RRM2B: variants seen among roughly 807,000 people sequenced by gnomAD.
RRM2B encodes ribonucleotide reductase regulatory TP53 inducible subunit M2B.
A neutral mutation model predicts 45.9 loss-of-function variants in RRM2B; 20 were observed. The observed-to-expected ratio is 0.44, with a 90% CI of 0.31 to 0.63. RRM2B has a LOEUF of 0.63. Ranked by LOEUF, RRM2B falls within the 30% of genes least tolerant of loss-of-function variation. RRM2B has a pLI of 0.09. For missense variants in RRM2B, 320 were observed against 414.7 expected, an observed-to-expected ratio of 0.77 and a Z score of 1.98; for synonymous variants, 124 against 132.3, an observed-to-expected ratio of 0.94 and a Z score of 0.43.
At chr8:102,212,991 TC>T in intron 7 of RRM2B, 102 bp from the exon 8 acceptor site, 2 of 720,536 alleles carry the variant, frequency 2.8e-6, no homozygotes, top group Non-Finnish European at 5.1e-6. Flanking sequence ...ACTGATTTTG[TC>T]CAAGGAAAGT....
Position 102,226,026 on chromosome 8 carries a change from T to C in RRM2B, c.213A>G (p.Leu71=), listed in dbSNP as rs752170856. Residue 71 remains leucine (L), a synonymous_variant, in exon 3 of 9, where the codon TTA becomes TTG. Coordinates refer to ENST00000251810, the MANE Select transcript of RRM2B (RefSeq NM_015713.5). ...TGTTCCAGTGAGGGAGATCCTTTGA[T>C]AAGTCGACCTGGAATAAAAAGATTT... ...ASFWTAEEVD[L]SKDLPHWNKL... The C allele has an allele frequency of 1.7e-5, 27 of 1,595,938 alleles. No homozygotes were observed. The highest frequency in any genetic ancestry group is 2.1e-5 in the Non-Finnish European group (25 of 1,163,744).
At chr8:102,223,967 T>C (rs537405583) in intron 5 of RRM2B, 79 bp downstream of exon 5, 2 of 985,252 alleles carry the variant, frequency 2.0e-6, no homozygotes, top group African/African-American at 1.6e-5. Context: ...CTTTGATTCG[T>C]ACTGGATAGT....
At position 102,234,718 on chromosome 8, in the gene RRM2B, C is replaced by T. The variant is rs28701663; in HGVS notation, c.49-2414G>A. Reference sequence around the variant, plus strand: ...TACAAAAATTAGCTGGGTGTGGTGGCGCGTACCTGTAGTCCCAGCTACTCG... The same window carrying T: ...TACAAAAATTAGCTGGGTGTGGTGGTGCGTACCTGTAGTCCCAGCTACTCG... On this transcript the variant is annotated intron_variant, in intron 1 of 8. Transcript: ENST00000251810. The T allele has an allele frequency of 4.8e-3, 738 of 153,080 alleles. 5 individuals carry two copies. The highest frequency in any genetic ancestry group is 0.019 in the Middle Eastern group (6 of 318). The allele number at this position is 153,080 out of a possible 1,614,324, so 9.5% of individuals were successfully genotyped here.
intron 2 of RRM2B, among the ~76,000 whole-genome samples, chr8:102,229,977 A>C (rs1386987801): frequency 6.6e-6 from 1 of 152,194 alleles, no homozygotes. Context: ...TCAGTTTCAA[A>C]GGTCTTCTAA....
At chr8:102,216,347 A>C (rs1484054868) in intron 6 of RRM2B, among the ~76,000 whole-genome samples, 3 of 152,142 alleles carry the variant, frequency 2.0e-5, no homozygotes, top group Non-Finnish European at 4.4e-5. Flanking sequence ...ACCAAGAAAA[A>C]AAATGTGTAA....
chr8:102,218,927 C>G lies in RRM2B; in HGVS notation c.571G>C (p.Ala191Pro), dbSNP rs1810779847. 1 of 1,613,592 alleles carries G rather than the reference C, an allele frequency of 6.2e-7. No homozygotes were observed. Among genetic ancestry groups the G allele is most frequent in the Non-Finnish European group, 8.5e-7 (1 of 1,179,628 alleles). Residue 191 changes from alanine (A) to proline (P), a missense_variant, in exon 6 of 9, where the codon GCT becomes CCT. Physicochemically the swap from Ala to Pro is conservative, Grantham distance 27. Transcript: ENST00000251810. ...GAGAAGAAAACTCCTTCTACAGCAG[C>G]AAAGGCCACCACTCTTTCCCCTGGG... ...STFGERVVAF[A>P]AVEGVFFSGS...
intron 1 of RRM2B, among the ~76,000 whole-genome samples, chr8:102,234,455 A>G (rs971829621): frequency 1.3e-5 from 2 of 152,154 alleles, no homozygotes; most frequent in Non-Finnish European, 2.9e-5. Context: ...ATTTGAATAC[A>G]ATTTCAGAAA....
rs77216839 is a variant in RRM2B, at chr8:102,219,240, C to T, written c.551-293G>A. Among the ~76,000 whole-genome samples the T allele has an allele frequency of 3.4e-3, 511 of 152,318 alleles. 1 individual carries two copies. The highest frequency in any genetic ancestry group is 5.7e-3 in the Non-Finnish European group (391 of 68,028). ...CAAGAGGTGATTTACGTGTGCACCA[C>T]ACATGACTATGAGTGCAGGTACATG... is the stretch of plus-strand genomic sequence containing the variant. On this transcript the variant is annotated intron_variant, in intron 5 of 8. Coordinates refer to ENST00000251810, the MANE Select transcript of RRM2B (RefSeq NM_015713.5).
chr8:102,215,944 C>CAAAAAAAAAAAAAAAAAA (rs60059243), intron 6 of RRM2B, among the ~76,000 whole-genome samples: 3 of 75,712 alleles, frequency 4.0e-5, no homozygotes, highest in African/African-American at 1.7e-4. Context: ...GACCCTGTCT[C>CAAAAAAAAAAAAAAAAAA]AAAAAAAAAA....
intron 6 of RRM2B, chr8:102,214,423 G>A: frequency 2.6e-6 from 1 of 380,402 alleles, no homozygotes; most frequent in South Asian, 2.5e-5. Flanking sequence ...AACAAAATCT[G>A]CAAATAAAAG....
chr8:102,214,096 TTCTTCTGAAGGCTTATTTACTAAGTA>T lies in RRM2B; in HGVS notation c.721_746del (p.Tyr241LysfsTer8). ...CATCAACAATGATCTCCCTGACCCTTTCTTCTGAAGGCTTATTTACTAAGTATTGGAACATCAGGCAAGCAAAGTCA... is the reference window on the plus strand; with the variant it reads ...CATCAACAATGATCTCCCTGACCCTTTTGGAACATCAGGCAAGCAAAGTCA... On this transcript the variant is annotated frameshift_variant, in exon 7 of 9. Transcript: ENST00000251810. LOFTEE classifies it high-confidence loss of function. 6.2e-7 allele frequency: 1 copy of T among 1,613,706 alleles called. No homozygotes were observed. Among genetic ancestry groups the T allele is most frequent in the South Asian group, 1.1e-5 (1 of 91,076 alleles).
At chr8:102,233,080 G>A (rs1279413352) in intron 1 of RRM2B, among the ~76,000 whole-genome samples, 11 of 152,222 alleles carry the variant, frequency 7.2e-5, no homozygotes, top group African/African-American at 2.4e-4. Flanking sequence ...GTGAGAATGA[G>A]TATAAACAAA....
intron 5 of RRM2B, among the ~76,000 whole-genome samples, chr8:102,222,879 GGGTT>G (rs1324481897): frequency 6.6e-6 from 1 of 151,986 alleles, no homozygotes; most frequent in African/African-American, 2.4e-5. Context: ...AAAATATAAT[GGGTT>G]GATTATTGCT....
At chr8:102,223,962 A>G (rs1040360414) in intron 5 of RRM2B, 84 bp downstream of exon 5, 4 of 954,516 alleles carry the variant, frequency 4.2e-6, no homozygotes, top group Non-Finnish European at 6.9e-6. Context: ...TGTAACTTTG[A>G]TTCGTACTGG....
At chr8:102,219,183 G>A (rs1018188767) in intron 5 of RRM2B, among the ~76,000 whole-genome samples, 3 of 152,180 alleles carry the variant, frequency 2.0e-5, no homozygotes, top group East Asian at 3.8e-4. Flanking sequence ...AGGTCTTGGC[G>A]TTGGACAAAG....
chr8:102,238,838 C>T lies in RRM2B; in HGVS notation c.37G>A (p.Asp13Asn), dbSNP rs1427490318. The change falls in exon 1 of 9, where the codon GAT becomes AAT. Residue 13 changes from aspartate (D) to asparagine (N), a missense_variant. Asp to Asn is a conservative substitution (Grantham distance 23). Coordinates refer to ENST00000251810, the MANE Select transcript of RRM2B (RefSeq NM_015713.5). ...DPERPEAAGL[D>N]QDERSSSDTN... ...ACAGCAACATTTACCTCATCCTGAT[C>T]CAGCCCGGCCGCTTCCGGCCTTTCC... 2 of 1,613,566 alleles carry T rather than the reference C, an allele frequency of 1.2e-6. No individual in the cohort carries two copies. The highest frequency in any genetic ancestry group is 1.7e-6 in the Non-Finnish European group (2 of 1,179,924).
Position 102,214,117 on chromosome 8 carries a change from T to G in RRM2B, c.726A>C (p.Leu242Phe). Reference protein sequence around the residue: ...CDFACLMFQYLVNKPSEERVR... With the variant: ...CDFACLMFQYFVNKPSEERVR... The stretch of plus-strand genomic sequence containing the variant: ...CCCTTTCTTCTGAAGGCTTATTTAC[T>G]AAGTATTGGAACATCAGGCAAGCAA... Residue 242 changes from leucine (L) to phenylalanine (F), a missense_variant, in exon 7 of 9, where the codon TTA becomes TTC. This residue lies in a region of RRM2B where 225 missense variants were observed against 289.4 expected (regional missense o/e 0.78). Transcript: ENST00000251810. 6.2e-7 allele frequency: 1 copy of G among 1,613,492 alleles called. No homozygotes were observed. The highest frequency in any genetic ancestry group is 2.2e-5 in the East Asian group (1 of 44,808).
At chr8:102,208,919 T>A (rs1012394208) in intron 8 of RRM2B, among the ~76,000 whole-genome samples, 15 of 152,128 alleles carry the variant, frequency 9.9e-5, no homozygotes, top group Admixed American at 6.6e-5. Flanking sequence ...GAGGCCGAGG[T>A]AGGTGGGATC....
intron 4 of RRM2B, 108 bp from the exon 5 acceptor site, chr8:102,224,248 C>G: frequency 1.4e-6 from 1 of 716,978 alleles, no homozygotes; most frequent in South Asian, 1.4e-5. Context: ...GTGGCACGAT[C>G]TCGGCTCACT....
Sources: allele counts gnomAD v4.1 joint callset (sites outside exome capture counted in the v4.1 genomes callset), GRCh38; gene constraint gnomAD v4.1.1; regional missense constraint gnomAD v4.1.1; transcripts MANE v1.5; gene names NCBI Gene and HGNC (gene_info 2026-07-23, HGNC 2026-07-21).